The following FSTL4 variants were observed in gnomAD, a reference collection of about 807,000 sequenced individuals.
FSTL4 encodes follistatin like 4.
Under a neutral mutation model 78.2 loss-of-function variants are expected in FSTL4, and 28 were observed. The observed-to-expected ratio is 0.36, with a 90% CI of 0.27 to 0.49. FSTL4 has a LOEUF of 0.49. FSTL4 is among the 20% of genes least tolerant of loss of function. The pLI, the probability that FSTL4 is intolerant of heterozygous loss-of-function variation, is 0.98. For missense variants in FSTL4, 922 were observed against 1,084.9 expected, an observed-to-expected ratio of 0.85 and a Z score of 2.11; for synonymous variants, 422 against 440.5, an observed-to-expected ratio of 0.96 and a Z score of 0.53.
the FSTL4 span, among the ~76,000 whole-genome samples, chr5:133,761,829 G>A: frequency 2.0e-5 from 3 of 152,184 alleles, no homozygotes; most frequent in Non-Finnish European, 4.4e-5. Flanking sequence ...CTACTAGTCC[G>A]CATCACACCA....
chr5:133,319,283 C>T (rs1191050732), intron 4 of FSTL4, among the ~76,000 whole-genome samples: 5 of 152,328 alleles, frequency 3.3e-5, no homozygotes, highest in African/African-American at 1.2e-4. Flanking sequence ...CCAGCATCAG[C>T]TCCCTGAGCC....
At chr5:133,571,013 C>T (rs543550123) in intron 2 of FSTL4, among the ~76,000 whole-genome samples, 6 of 152,170 alleles carry the variant, frequency 3.9e-5, no homozygotes, top group African/African-American at 9.6e-5. Context: ...TCAACATTTT[C>T]GGCTTCCCCT....
chr5:133,300,852 C>A (rs1267554901), intron 6 of FSTL4, among the ~76,000 whole-genome samples: 1 of 151,780 alleles, frequency 6.6e-6, no homozygotes, highest in Non-Finnish European at 1.5e-5. Flanking sequence ...GAGAAAGCAG[C>A]CCTCCACGGG....
chr5:133,600,539 T>C (rs1345960084), intron 2 of FSTL4, among the ~76,000 whole-genome samples: 2 of 152,236 alleles, frequency 1.3e-5, no homozygotes, highest in Non-Finnish European at 2.9e-5. Flanking sequence ...TCCACTCTTA[T>C]GAAAGAGGCA....
rs1223284004 is a variant in FSTL4 at position 133,199,729 on chromosome 5, AG to A, written c.1894del (p.Leu632SerfsTer57). 2 of 1,607,940 alleles carry A rather than the reference AG, an allele frequency of 1.2e-6. No homozygotes were observed. ...ATGGTGGTGCAGGCCGATGGTCTTG[AG>A]GGGCATCATTGTTTCCAGGTCCACC... ...HKVDLETMMP[L>X]KTIGLHHHGC... On this transcript the variant is annotated frameshift_variant, in exon 16 of 16. Transcript: ENST00000265342. LOFTEE classifies it low-confidence loss of function (END_TRUNC). This position sits in a 1 kb window ranked among gnomAD's most constrained non-coding sequence, Gnocchi z 4.4.
At chr5:133,573,445 TA>T (rs1462481037) in intron 2 of FSTL4, among the ~76,000 whole-genome samples, 1 of 152,082 alleles carries the variant, frequency 6.6e-6, no homozygotes. Flanking sequence ...TGGCTATAGA[TA>T]AAGTAGGCAA....
intron 7 of FSTL4, among the ~76,000 whole-genome samples, chr5:133,239,976 G>A (rs568143199): frequency 1.3e-4 from 20 of 152,198 alleles, no homozygotes; most frequent in Middle Eastern, 3.2e-3. Context: ...GCAGACCTCC[G>A]GAGTCAGAAG....
chr5:133,729,222 T>C, the FSTL4 span, among the ~76,000 whole-genome samples: 1 of 85,328 alleles, frequency 1.2e-5, no homozygotes, highest in Non-Finnish European at 2.1e-5. Flanking sequence ...TGTAGATTTA[T>C]GAAAACACAC....
the FSTL4 span, among the ~76,000 whole-genome samples, chr5:133,629,676 T>G: frequency 5.9e-5 from 9 of 152,148 alleles, no homozygotes; most frequent in African/African-American, 2.2e-4. Context: ...TACTAAAACA[T>G]GGCAGAGACA....
At chr5:133,339,625 A>G (rs1421310929) in intron 4 of FSTL4, among the ~76,000 whole-genome samples, 7 of 152,180 alleles carry the variant, frequency 4.6e-5, no homozygotes, top group Non-Finnish European at 1.0e-4. Flanking sequence ...GGCTTTGTCC[A>G]GAGTTGCTTC....
chr5:133,753,743 T>C, the FSTL4 span, among the ~76,000 whole-genome samples: 1 of 138,432 alleles, frequency 7.2e-6, no homozygotes, highest in Non-Finnish European at 1.6e-5. Context: ...GCAGGGAAGG[T>C]CTGGCCCAGA....
chr5:133,371,257 A>G (rs116615794), intron 4 of FSTL4, among the ~76,000 whole-genome samples: 3,005 of 152,346 alleles, frequency 0.02, 28 homozygotes, highest in Middle Eastern at 0.051. Context: ...GACTCTGACC[A>G]CGTAAGCTCT....
intron 2 of FSTL4, among the ~76,000 whole-genome samples, chr5:133,597,400 A>G (rs900883575): frequency 6.6e-6 from 1 of 152,218 alleles, no homozygotes; most frequent in African/African-American, 2.4e-5. Context: ...CGAAAAATAG[A>G]AATTGGAGCC....
intron 6 of FSTL4, among the ~76,000 whole-genome samples, chr5:133,302,870 T>C (rs1263500391): frequency 1.3e-5 from 2 of 152,202 alleles, no homozygotes; most frequent in Non-Finnish European, 2.9e-5. Flanking sequence ...ACTACAACTT[T>C]TAAAAAGTCC....
chr5:133,610,997 T>A (rs1225677057), intron 1 of FSTL4, among the ~76,000 whole-genome samples: 1 of 152,098 alleles, frequency 6.6e-6, no homozygotes, highest in Admixed American at 6.5e-5. Flanking sequence ...CCCCATCTAG[T>A]ACAATTCCTG....
the FSTL4 span, among the ~76,000 whole-genome samples, chr5:133,698,260 G>A: frequency 6.6e-6 from 1 of 152,200 alleles, no homozygotes; most frequent in Non-Finnish European, 1.5e-5. Context: ...GAAGCCAGGG[G>A]CTGCCAGAAG....
chr5:133,804,857 C>T, the FSTL4 span, among the ~76,000 whole-genome samples: 10 of 145,736 alleles, frequency 6.9e-5, no homozygotes, highest in African/African-American at 2.0e-4. Flanking sequence ...GGCAGGAGAA[C>T]GGCATGAACC....
intron 14 of FSTL4, 69 bp from the exon 15 acceptor site, chr5:133,202,111 C>CCCATGCAGGT: frequency 1.0e-6 from 1 of 979,670 alleles, no homozygotes; most frequent in Non-Finnish European, 1.5e-6. Flanking sequence ...GACACCTGTA[C>CCCATGCAGGT]GCTCAGGTGG....
the FSTL4 span, among the ~76,000 whole-genome samples, chr5:133,664,382 A>G: frequency 6.6e-6 from 1 of 152,134 alleles, no homozygotes; most frequent in Non-Finnish European, 1.5e-5. Flanking sequence ...TAGTGTCCCA[A>G]AACGAATCTC....
Sources: allele counts gnomAD v4.1 joint callset (sites outside exome capture counted in the v4.1 genomes callset), GRCh38; gene constraint gnomAD v4.1.1; non-coding constraint Gnocchi (gnomAD v3.1); transcripts MANE v1.5; gene names NCBI Gene and HGNC (gene_info 2026-07-23, HGNC 2026-07-21).